Variants in POLR1F observed in about 807,000 individuals in gnomAD.
POLR1F encodes DNA-directed RNA polymerase I subunit RPA43.
Under a neutral mutation model 21.8 loss-of-function variants are expected in POLR1F, and 23 were observed. That is an observed-to-expected ratio of 1.05 (90% CI 0.76 to 1.49). The LOEUF is 1.49. Among genes scored for constraint, POLR1F ranks in the 40% most tolerant of loss-of-function variants. The probability of loss-of-function intolerance (pLI) is 0.00; values close to 1 mark genes in which losing one functional copy is unlikely to be tolerated. For missense variants in POLR1F, 435 were observed against 412.1 expected, an observed-to-expected ratio of 1.06 and a Z score of -0.48; for synonymous variants, 162 against 152.8, an observed-to-expected ratio of 1.06 and a Z score of -0.45.
chr7:19,706,725 G>A (rs1783530601), intron 1 of POLR1F, among the ~76,000 whole-genome samples: 1 of 152,056 alleles, frequency 6.6e-6, no homozygotes, highest in Non-Finnish European at 1.5e-5. Context: ...TAAATTCAAG[G>A]GGGATTTTGT....
At chr7:19,703,708 C>T (rs1163888347) in intron 2 of POLR1F, among the ~76,000 whole-genome samples, 1 of 152,242 alleles carries the variant, frequency 6.6e-6, no homozygotes, top group Admixed American at 6.5e-5. Context: ...GATCCTCCTA[C>T]CCCAGCCTCC....
At chr7:19,704,367 GC>G (rs1783487837) in intron 2 of POLR1F, among the ~76,000 whole-genome samples, 1 of 152,162 alleles carries the variant, frequency 6.6e-6, no homozygotes, top group Non-Finnish European at 1.5e-5. Context: ...CAGACTGGCT[GC>G]CCTGTCCTCT....
In POLR1F at chr7:19,703,866, T is replaced by C. The variant is rs140811876; in HGVS notation, c.396+913A>G. ...GCCTCAGCTTCCCAAAATGCTGTGATTGTAGGTGTGAGCCACTGTGGCTGG... is the reference window on the plus strand; with the variant it reads ...GCCTCAGCTTCCCAAAATGCTGTGACTGTAGGTGTGAGCCACTGTGGCTGG... On this transcript the variant is annotated intron_variant, in intron 2 of 3. Transcript: ENST00000222567. Among the ~76,000 whole-genome samples the C allele has an allele frequency of 1.0e-3, 153 of 152,344 alleles. 1 individual carries two copies. Among genetic ancestry groups the C allele is most frequent in the African/African-American group, 3.4e-3 (140 of 41,584 alleles).
At position 19,700,191 on chromosome 7, in the gene POLR1F, T is replaced by C; in HGVS notation, c.486A>G (p.Ser162=). 1 of 1,613,948 alleles carries C rather than the reference T, an allele frequency of 6.2e-7. No individual in the cohort carries two copies. The highest frequency in any genetic ancestry group is 8.5e-7 in the Non-Finnish European group (1 of 1,179,864). Residue 162 remains serine (S), a synonymous_variant, in exon 3 of 4, where the codon TCA becomes TCG. Coordinates refer to ENST00000222567, the MANE Select transcript of POLR1F (RefSeq NM_001002926.2). ...TCTCCATGGTTTGCCACTGCTCAGC[T>C]GACAACTGCTCAGGTTTAGGAATGG... ...NASIPKPEQL[S]AEQWQTMEIN... is the part of the protein sequence containing the mutation.
chr7:19,699,825 A>G (rs6962595), intron 3 of POLR1F, among the ~76,000 whole-genome samples: 33,152 of 152,054 alleles, frequency 0.22, 4,270 homozygotes, highest in East Asian at 0.63. Flanking sequence ...GCAAAATTGA[A>G]CTATTAAATA....
chr7:19,707,331 T>C (rs1783540536), intron 1 of POLR1F, among the ~76,000 whole-genome samples: 1 of 152,054 alleles, frequency 6.6e-6, no homozygotes, highest in Admixed American at 6.6e-5. Flanking sequence ...CTAACCCTGC[T>C]TAAGAAAACA....
Position 19,696,301 on chromosome 7 carries a change from C to G in POLR1F, c.*2015G>C, listed in dbSNP as rs570769868. On this transcript the variant is annotated 3_prime_UTR_variant, in exon 4 of 4. Coordinates refer to ENST00000222567, the MANE Select transcript of POLR1F (RefSeq NM_001002926.2). ...ACTCACATTGTGAAAAAAGCAGGAA[C>G]AAATCTAGTTTCAAGTTCAGCATGC... The G allele has an allele frequency of 1.1e-3, 162 of 152,144 alleles. No individual in the cohort carries two copies. The highest frequency in any genetic ancestry group is 3.7e-3 in the African/African-American group (153 of 41,546). The allele number at this position is 152,144 out of a possible 1,614,324, so 9.4% of individuals were successfully genotyped here. A position where few individuals can be genotyped will look rare whatever the true frequency, so the allele number is the denominator to read the frequency against.
intron 3 of POLR1F, among the ~76,000 whole-genome samples, chr7:19,699,295 A>G (rs1783420024): frequency 6.6e-6 from 1 of 152,198 alleles, no homozygotes; most frequent in African/African-American, 2.4e-5. Context: ...TCGATGAAGT[A>G]GCTTTCTCTC....
intron 1 of POLR1F, 49 bp downstream of exon 1, chr7:19,708,714 T>C: frequency 6.4e-7 from 1 of 1,572,768 alleles, no homozygotes; most frequent in Non-Finnish European, 8.7e-7. Context: ...CACATCCACC[T>C]GCTTTACTTC....
At chr7:19,700,806 C>T (rs1783438127) in intron 2 of POLR1F, among the ~76,000 whole-genome samples, 1 of 152,128 alleles carries the variant, frequency 6.6e-6, no homozygotes, top group South Asian at 2.1e-4. Context: ...GCAAGCATTC[C>T]ATTAGAAGAC....
chr7:19,704,483 G>A (rs1260941196), intron 2 of POLR1F, among the ~76,000 whole-genome samples: 1 of 152,086 alleles, frequency 6.6e-6, no homozygotes, highest in African/African-American at 2.4e-5. Context: ...GTGTAGAATT[G>A]AGAACTTTTG....
At chr7:19,702,870 G>A (rs1783462795) in intron 2 of POLR1F, among the ~76,000 whole-genome samples, 1 of 152,142 alleles carries the variant, frequency 6.6e-6, no homozygotes, top group Admixed American at 6.5e-5. Flanking sequence ...AAGGACAATA[G>A]CAAATGTTAA....
At chr7:19,706,337 A>C (rs1783524282) in intron 1 of POLR1F, among the ~76,000 whole-genome samples, 1 of 152,194 alleles carries the variant, frequency 6.6e-6, no homozygotes, top group Non-Finnish European at 1.5e-5. Flanking sequence ...AGGAAGAAAA[A>C]TTAACTGCCA....
In POLR1F at chr7:19,700,076, T is replaced by C; in HGVS notation, c.601A>G (p.Thr201Ala). Reference sequence around the variant, plus strand: ...ATTACGTAATGATAAACTAACCTTGTGATATTTAGTTTTCCCCGAATGCAG... The same window carrying C: ...ATTACGTAATGATAAACTAACCTTGCGATATTTAGTTTTCCCCGAATGCAG... ...VFCIRGKLNI[T>A]SLQFKRSEVS... The change falls in exon 3 of 4, where the codon ACA becomes GCA. Residue 201 changes from threonine to alanine, a missense_variant. Physicochemically the swap from Thr to Ala is moderately conservative, Grantham distance 58 (BLOSUM62 0). Coordinates refer to ENST00000222567, the MANE Select transcript of POLR1F (RefSeq NM_001002926.2). 6.2e-7 allele frequency: 1 copy of C among 1,611,658 alleles called. No homozygotes were observed. The highest frequency in any genetic ancestry group is 8.5e-7 in the Non-Finnish European group (1 of 1,177,816).
Position 19,698,473 on chromosome 7 carries a change from A to G in POLR1F, c.860T>C (p.Val287Ala). Residue 287 changes from valine (V) to alanine (A), a missense_variant, in exon 4 of 4, where the codon GTT becomes GCT. By Grantham distance (64) the Val-to-Ala change is moderately conservative. Transcript: ENST00000222567. ...KKKKKKKHQE[V>A]QDQDPVFQGS... ...TTGGAAAACAGGGTCCTGGTCCTGA[A>G]CTTCCTGGTGCTTTTTCTTCTTCTT... 1 of 1,612,310 alleles carries G rather than the reference A, an allele frequency of 6.2e-7. No homozygotes were observed. Among genetic ancestry groups the G allele is most frequent in the Non-Finnish European group, 8.5e-7 (1 of 1,179,548 alleles).
In POLR1F at chr7:19,708,833, G is replaced by C. The variant is rs1443803714; in HGVS notation, c.184C>G (p.Arg62Gly). The C allele has an allele frequency of 6.2e-7, 1 of 1,614,162 alleles. No homozygotes were observed. Among genetic ancestry groups the C allele is most frequent in the Non-Finnish European group, 8.5e-7 (1 of 1,179,988 alleles). ...PHQRHIALSP[R>G]YLNRKRTGIR... ...CCGGTGCGTTTCCTGTTAAGGTAGC[G>C]GGGCGACAGCGCGATGTGCCTTTGG... The change falls in exon 1 of 4, where the codon CGC becomes GGC. Residue 62 changes from arginine (R) to glycine (G), a missense_variant. Arg to Gly is a moderately radical substitution (Grantham distance 125). Coordinates refer to ENST00000222567, the MANE Select transcript of POLR1F (RefSeq NM_001002926.2).
intron 3 of POLR1F, 128 bp from the exon 4 acceptor site, chr7:19,698,855 G>T: frequency 3.1e-6 from 2 of 643,152 alleles, no homozygotes; most frequent in Non-Finnish European, 4.7e-6. Context: ...CATAACCATG[G>T]CATAAATTCC....
rs746171640 is a variant in POLR1F at position 19,698,532 on chromosome 7, C to T, written c.801G>A (p.Ala267=). The change falls in exon 4 of 4, where the codon GCG becomes GCA. Residue 267 remains alanine, a synonymous_variant. Coordinates refer to ENST00000222567, the MANE Select transcript of POLR1F (RefSeq NM_001002926.2). The part of the protein sequence containing the change: ...EESALQNTNN[A]NGIWEEEPKK... The stretch of plus-strand genomic sequence containing the variant: ...TTGGCTCCTCCTCCCAGATGCCATT[C>T]GCATTATTAGTATTCTGCAGGGCTG... 2.9e-5 allele frequency: 46 copies of T among 1,604,802 alleles called. No individual in the cohort carries two copies. Among genetic ancestry groups the T allele is most frequent in the Non-Finnish European group, 3.6e-5 (42 of 1,177,800 alleles).
At chr7:19,707,903 TC>T (rs1742337783) in intron 1 of POLR1F, among the ~76,000 whole-genome samples, 1 of 152,092 alleles carries the variant, frequency 6.6e-6, no homozygotes, top group African/African-American at 2.4e-5. Flanking sequence ...GATAAAAACT[TC>T]CGATGCAGTG....
Sources: allele counts gnomAD v4.1 joint callset (sites outside exome capture counted in the v4.1 genomes callset), GRCh38; gene constraint gnomAD v4.1.1; transcripts MANE v1.5; gene names NCBI Gene and HGNC (gene_info 2026-07-23, HGNC 2026-07-21).